Variants in CCDC158 observed in about 807,000 individuals in gnomAD.
The protein encoded by CCDC158 is coiled-coil domain containing 158.
Under a neutral mutation model 138.6 loss-of-function variants are expected in CCDC158, and 116 were observed. The ratio of observed to expected loss-of-function variants is 0.84; its 90% CI spans 0.72 to 0.98. The LOEUF is 0.98. Among genes scored for constraint, CCDC158 ranks in the 50% least tolerant of loss-of-function variants. The pLI, the probability that CCDC158 is intolerant of heterozygous loss-of-function variation, is 0.00. For synonymous variants in CCDC158, 436 were observed against 442.4 expected (o/e 0.99, Z 0.18); for missense variants, 1,265 against 1,306.1 (o/e 0.97, Z 0.48).
chr4:76,409,805 T>C (rs1729146959), intron 2 of CCDC158, among the ~76,000 whole-genome samples: 1 of 152,056 alleles, frequency 6.6e-6, no homozygotes, highest in Non-Finnish European at 1.5e-5. Context: ...CACTCCAGCC[T>C]GGGTGACAGA....
At chr4:76,340,127 C>T (rs1448721870) in intron 18 of CCDC158, among the ~76,000 whole-genome samples, 2 of 152,194 alleles carry the variant, frequency 1.3e-5, no homozygotes. Flanking sequence ...GGGAGAACAA[C>T]AACTATGTTC....
chr4:76,413,271 T>G lies in CCDC158; in HGVS notation c.-116-1139A>C, dbSNP rs142480861. 2.2e-3 allele frequency among the ~76,000 whole-genome samples: 332 copies of G among 151,948 alleles called. 9 individuals carry two copies. The East Asian group carries it at 0.056, about 26-fold the overall frequency. On this transcript the variant is annotated intron_variant, in intron 1 of 24. Transcript: ENST00000682701. ...GGATAATTGCTTGAGCTCAGGAGTT[T>G]GAGACCAGCCTGGACAATATAGTGA...
At chr4:76,368,918 T>C (rs1315149605) in intron 11 of CCDC158, among the ~76,000 whole-genome samples, 1 of 152,190 alleles carries the variant, frequency 6.6e-6, no homozygotes, top group Non-Finnish European at 1.5e-5. Context: ...TTTAGTTTAA[T>C]TAGTGTCTAT....
At chr4:76,375,903 T>A (rs914413527) in intron 9 of CCDC158, among the ~76,000 whole-genome samples, 1 of 152,242 alleles carries the variant, frequency 6.6e-6, no homozygotes, top group African/African-American at 2.4e-5. Flanking sequence ...AAAGTTTTGT[T>A]TAGACCTGTC....
At chr4:76,322,447 T>C (rs28408282) in intron 24 of CCDC158, among the ~76,000 whole-genome samples, 4,463 of 152,248 alleles carry the variant, frequency 0.029, 218 homozygotes, top group African/African-American at 0.1. Context: ...TTGTGAAAAT[T>C]ACATGAAGAA....
chr4:76,396,518 T>G, intron 3 of CCDC158, 32 bp from the exon 4 acceptor site: 1 of 1,550,532 alleles, frequency 6.4e-7, no homozygotes, highest in Non-Finnish European at 8.8e-7. Flanking sequence ...AATTAACTTT[T>G]CGTTTTTTTT....
intron 11 of CCDC158, among the ~76,000 whole-genome samples, 191 bp downstream of exon 11, chr4:76,369,235 T>C (rs1187658622): frequency 6.6e-6 from 1 of 151,850 alleles, no homozygotes; most frequent in African/African-American, 2.4e-5. Context: ...AATAAATAAA[T>C]AAACAAAAAA....
intron 13 of CCDC158, among the ~76,000 whole-genome samples, chr4:76,358,040 A>T (rs1339881286): frequency 1.3e-5 from 2 of 152,048 alleles, no homozygotes; most frequent in East Asian, 3.9e-4. Flanking sequence ...TATTTATATG[A>T]TTAGATTTAT....
intron 18 of CCDC158, among the ~76,000 whole-genome samples, chr4:76,336,224 A>ATTCAC (rs1721495182): frequency 2.0e-5 from 3 of 147,322 alleles, no homozygotes; most frequent in Admixed American, 1.4e-4. Context: ...TCAATTTACC[A>ATTCAC]TTCACTTAGA....
At chr4:76,403,747 T>C (rs1728594494) in intron 2 of CCDC158, among the ~76,000 whole-genome samples, 2 of 152,090 alleles carry the variant, frequency 1.3e-5, no homozygotes, top group Non-Finnish European at 2.9e-5. Context: ...TCTTCCCAAA[T>C]AACCATAAAA....
chr4:76,414,151 T>C (rs748897598), intron 1 of CCDC158: 5 of 152,146 alleles, frequency 3.3e-5, no homozygotes, highest in Admixed American at 6.6e-5. Context: ...TCCAGGGATC[T>C]GTCTGTCCCA....
At chr4:76,338,522 A>G (rs1166392939) in intron 18 of CCDC158, among the ~76,000 whole-genome samples, 1 of 152,214 alleles carries the variant, frequency 6.6e-6, no homozygotes, top group Non-Finnish European at 1.5e-5. Flanking sequence ...AAAAAAACAA[A>G]AACAAAATGA....
At chr4:76,380,296 A>G (rs1726114420) in intron 8 of CCDC158, among the ~76,000 whole-genome samples, 1 of 152,196 alleles carries the variant, frequency 6.6e-6, no homozygotes, top group Non-Finnish European at 1.5e-5. Context: ...AATGGTTGTG[A>G]CCAAAATGCT....
intron 18 of CCDC158, among the ~76,000 whole-genome samples, chr4:76,335,697 A>G (rs1056851707): frequency 6.6e-6 from 1 of 152,088 alleles, no homozygotes; most frequent in African/African-American, 2.4e-5. Context: ...CTCCTGCCTC[A>G]GCACCCCCAG....
Position 76,351,723 on chromosome 4 carries a change from T to C in CCDC158, c.2535A>G (p.Ile845Met), listed in dbSNP as rs566541281. The change falls in exon 17 of 25, where the codon ATA becomes ATG. Residue 845 changes from isoleucine (I) to methionine (M), a missense_variant. Coordinates refer to ENST00000682701, the MANE Select transcript of CCDC158 (RefSeq NM_001394954.1). The stretch of plus-strand genomic sequence containing the variant: ...CTAATATTTATGATGACCTTACTTT[T>C]ATATCCAAAGTGTGTTGAAGTTTTA... ...VRLKLQHTLD[I>M]KELQGPGYTS... 7.2e-5 allele frequency: 115 copies of C among 1,598,650 alleles called. No homozygotes were observed. The South Asian group carries it at 1.1e-3, about 16-fold the overall frequency.
intron 5 of CCDC158, 56 bp from the exon 6 acceptor site, chr4:76,384,471 G>A: frequency 2.6e-6 from 4 of 1,550,728 alleles, no homozygotes; most frequent in Non-Finnish European, 3.5e-6. Flanking sequence ...ATTCACACAA[G>A]TAGTTTTACT....
intron 2 of CCDC158, among the ~76,000 whole-genome samples, chr4:76,409,620 AG>A (rs1200127292): frequency 6.6e-6 from 1 of 152,046 alleles, no homozygotes; most frequent in African/African-American, 2.4e-5. Flanking sequence ...TCATGCGGTC[AG>A]GAGATAGAGA....
chr4:76,317,416 C>A (rs1182027811), intron 24 of CCDC158, among the ~76,000 whole-genome samples: 2 of 152,082 alleles, frequency 1.3e-5, no homozygotes, highest in African/African-American at 4.8e-5. Flanking sequence ...AAGGATCAGT[C>A]CAACAGTAAA....
intron 2 of CCDC158, among the ~76,000 whole-genome samples, chr4:76,407,049 C>T (rs1728882914): frequency 6.6e-6 from 1 of 151,924 alleles, no homozygotes; most frequent in Admixed American, 6.6e-5. Context: ...AAAAACAAAA[C>T]AAAATAGATG....
Sources: allele counts gnomAD v4.1 joint callset (sites outside exome capture counted in the v4.1 genomes callset), GRCh38; gene constraint gnomAD v4.1.1; transcripts MANE v1.5; gene names NCBI Gene and HGNC (gene_info 2026-07-23, HGNC 2026-07-21).